The following THSD7B variants were observed in gnomAD, a reference collection of about 807,000 sequenced individuals.
The protein encoded by THSD7B is thrombospondin type 1 domain containing 7B.
A neutral mutation model predicts 213.6 loss-of-function variants in THSD7B; 138 were observed. That is an observed-to-expected ratio of 0.65 (90% CI 0.56 to 0.74). THSD7B has a LOEUF of 0.74. Ranked by LOEUF, THSD7B falls within the 30% of genes least tolerant of loss-of-function variation. The pLI is 0.00. For missense variants in THSD7B, 1,931 were observed against 1,991.5 expected, an observed-to-expected ratio of 0.97 and a Z score of 0.58; for synonymous variants, 742 against 687.0, an observed-to-expected ratio of 1.08 and a Z score of -1.25.
At chr2:137,575,422 C>A (rs1455252944) in intron 17 of THSD7B, among the ~76,000 whole-genome samples, 28 of 151,932 alleles carry the variant, frequency 1.8e-4, no homozygotes, top group African/African-American at 6.0e-4. Flanking sequence ...ATGTCACCTC[C>A]ATTACTGAAA....
intron 4 of THSD7B, among the ~76,000 whole-genome samples, chr2:137,099,962 CTGTT>C (rs1193795267): frequency 1.3e-5 from 2 of 152,076 alleles, no homozygotes; most frequent in Admixed American, 6.5e-5. Context: ...TAAAATAAGT[CTGTT>C]TGTGCAAATT....
chr2:137,387,831 A>T (rs1042132051), intron 12 of THSD7B, among the ~76,000 whole-genome samples: 3 of 151,938 alleles, frequency 2.0e-5, no homozygotes, highest in Admixed American at 2.0e-4. Context: ...GGAAGTGTCT[A>T]CTCTTCCCTT....
At position 136,919,336 on chromosome 2, in the gene THSD7B, G is replaced by A. The variant is rs961448065; in HGVS notation, c.139+37019G>A. 3.3e-5 allele frequency among the ~76,000 whole-genome samples: 5 copies of A among 152,262 alleles called. No homozygotes were observed. The South Asian group carries it at 6.2e-4, about 19-fold the overall frequency. On this transcript the variant is annotated intron_variant, in intron 2 of 27. Coordinates refer to ENST00000409968, the MANE Select transcript of THSD7B (RefSeq NM_001316349.2). ...CTAACCTCAGGCAAAACCCAAGCAG[G>A]CAATATTTTTGTAGTGTTTCCTTCC...
chr2:136,891,628 G>A (rs1405528999), intron 2 of THSD7B, among the ~76,000 whole-genome samples: 2 of 152,272 alleles, frequency 1.3e-5, no homozygotes, highest in East Asian at 3.9e-4. Context: ...ATTCAGCCAG[G>A]CACCTTTCTT....
At chr2:136,890,859 A>G (rs1339934242) in intron 2 of THSD7B, among the ~76,000 whole-genome samples, 1 of 148,050 alleles carries the variant, frequency 6.8e-6, no homozygotes, top group African/African-American at 2.5e-5. Flanking sequence ...CACTTCTGAG[A>G]TTTTTTTTTT....
chr2:137,563,480 A>G, intron 16 of THSD7B, 126 bp downstream of exon 16: 1 of 1,250,134 alleles, frequency 8.0e-7, no homozygotes, highest in South Asian at 1.6e-5. Flanking sequence ...GTTTTTTCTC[A>G]TCTTTGAAAT....
intron 7 of THSD7B, among the ~76,000 whole-genome samples, chr2:137,201,903 G>A (rs1018558916): frequency 5.9e-5 from 9 of 152,062 alleles, no homozygotes; most frequent in Admixed American, 4.6e-4. Context: ...TTTATCAGCC[G>A]TTTGTGTTTC....
chr2:137,465,991 C>T (rs779929914), intron 15 of THSD7B, among the ~76,000 whole-genome samples: 6 of 152,074 alleles, frequency 3.9e-5, no homozygotes, highest in Non-Finnish European at 5.9e-5. Context: ...TGGAGTGGCA[C>T]GATATGGTGG....
intron 4 of THSD7B, 102 bp downstream of exon 4, chr2:137,095,223 C>T: frequency 6.9e-7 from 1 of 1,452,232 alleles, no homozygotes; most frequent in East Asian, 2.4e-5. Context: ...TTTATTGAGT[C>T]TTCACTCAGT....
intron 15 of THSD7B, among the ~76,000 whole-genome samples, chr2:137,526,341 C>G (rs1680277808): frequency 6.6e-6 from 1 of 152,050 alleles, no homozygotes; most frequent in Non-Finnish European, 1.5e-5. Context: ...CAAAGCTGTG[C>G]CCTCAATGAG....
At chr2:137,244,432 G>T in intron 10 of THSD7B, among the ~76,000 whole-genome samples, 1 of 152,146 alleles carries the variant, frequency 6.6e-6, no homozygotes, top group East Asian at 1.9e-4. Context: ...GAGCCAGTGT[G>T]CCCTGGTGAC....
chr2:137,187,217 G>A lies in THSD7B; in HGVS notation c.1723+16279G>A, dbSNP rs143965221. Among the ~76,000 whole-genome samples the A allele has an allele frequency of 5.2e-3, 793 of 152,202 alleles. 37 individuals carry two copies. Among genetic ancestry groups the A allele is most frequent in the Admixed American group, 0.047 (721 of 15,278 alleles). ...GCTATTGTCTTAGGAACTGCTCTGCGAGGACAGAGGCAACACTGAGAATGA... is the reference window on the plus strand; with the variant it reads ...GCTATTGTCTTAGGAACTGCTCTGCAAGGACAGAGGCAACACTGAGAATGA... On this transcript the variant is annotated intron_variant, in intron 7 of 27. Transcript: ENST00000409968.
chr2:137,093,575 T>C (rs1687990072), intron 3 of THSD7B, among the ~76,000 whole-genome samples: 1 of 152,200 alleles, frequency 6.6e-6, no homozygotes, highest in Admixed American at 6.5e-5. Context: ...TGCTATCGTT[T>C]TACTTTAGAA....
At chr2:137,389,875 C>A (rs1685981391) in intron 12 of THSD7B, among the ~76,000 whole-genome samples, 1 of 152,088 alleles carries the variant, frequency 6.6e-6, no homozygotes, top group Non-Finnish European at 1.5e-5. Context: ...AATCTATTGG[C>A]TGTAAGTACA....
rs967537665 is a variant in THSD7B, at chr2:137,618,519, A to G, written c.3681+12A>G. 12 of 1,610,586 alleles carry G rather than the reference A, an allele frequency of 7.5e-6. No homozygotes were observed. The highest frequency in any genetic ancestry group is 3.3e-4 in the Middle Eastern group (2 of 6,048). On this transcript the variant is annotated intron_variant, in intron 19 of 27. Transcript: ENST00000409968. The stretch of plus-strand genomic sequence containing the variant: ...ACCAATGTGAGCAGGTACTGTGTTT[A>G]TATTCATATCTCACATCCAAGGCTT...
Position 137,010,214 on chromosome 2 carries a change from G to A in THSD7B, c.140-46206G>A, listed in dbSNP as rs756702317. Among the ~76,000 whole-genome samples, 67 of 152,180 alleles carry A rather than the reference G, an allele frequency of 4.4e-4. 1 individual carries two copies. The highest frequency in any genetic ancestry group is 4.1e-4 in the Non-Finnish European group (28 of 68,032). On this transcript the variant is annotated intron_variant, in intron 2 of 27. Transcript: ENST00000409968. The stretch of plus-strand genomic sequence containing the variant: ...AGAATCATGTGCAGAAACCCTCACA[G>A]TCAGCAACAGTGGAAGAAACTAGAT...
At chr2:137,263,502 C>A (rs993263276) in intron 10 of THSD7B, among the ~76,000 whole-genome samples, 3 of 151,926 alleles carry the variant, frequency 2.0e-5, no homozygotes, top group South Asian at 2.1e-4. Context: ...GTTGCCAGAT[C>A]CATTGAATTT....
At chr2:136,926,730 G>T (rs544219) in intron 2 of THSD7B, among the ~76,000 whole-genome samples, 1 of 151,384 alleles carries the variant, frequency 6.6e-6, no homozygotes, top group South Asian at 2.1e-4. Flanking sequence ...AAAAAACAGT[G>T]CTCATGAGCA....
chr2:137,582,806 G>A (rs1348694437), intron 17 of THSD7B, among the ~76,000 whole-genome samples: 1 of 152,184 alleles, frequency 6.6e-6, no homozygotes, highest in African/African-American at 2.4e-5. Flanking sequence ...ACATACGTGT[G>A]CATGTGTCTT....
Sources: allele counts gnomAD v4.1 joint callset (sites outside exome capture counted in the v4.1 genomes callset), GRCh38; gene constraint gnomAD v4.1.1; transcripts MANE v1.5; gene names NCBI Gene and HGNC (gene_info 2026-07-23, HGNC 2026-07-21).